PRKG1: variants seen among roughly 807,000 people sequenced by gnomAD.
The protein encoded by PRKG1 is cGMP-dependent protein kinase 1.
A neutral mutation model predicts 88.1 loss-of-function variants in PRKG1; 35 were observed. The observed-to-expected ratio is 0.40, with a 90% CI of 0.30 to 0.53. The LOEUF is 0.53. PRKG1 is among the 20% of genes least tolerant of loss of function. The pLI is 0.59. For synonymous variants in PRKG1, 303 were observed against 292.5 expected, an observed-to-expected ratio of 1.04 and a Z score of -0.37; for missense variants, 540 against 839.8, an observed-to-expected ratio of 0.64 and a Z score of 4.41.
chr10:51,807,611 A>T (rs992559838), intron 4 of PRKG1, among the ~76,000 whole-genome samples: 10 of 152,202 alleles, frequency 6.6e-5, no homozygotes, highest in African/African-American at 2.4e-4. Flanking sequence ...CTCTAATGAT[A>T]GTGGCCTAAG....
At chr10:51,342,993 T>A (rs1842035030) in intron 2 of PRKG1, among the ~76,000 whole-genome samples, 2 of 152,154 alleles carry the variant, frequency 1.3e-5, no homozygotes, top group African/African-American at 4.8e-5. Context: ...TAGACAGGAA[T>A]TCAGGGGTAG....
chr10:51,846,188 T>C (rs150987773), intron 4 of PRKG1, among the ~76,000 whole-genome samples: 46 of 152,318 alleles, frequency 3.0e-4, no homozygotes, highest in African/African-American at 1.1e-3. Flanking sequence ...CCTTCTCATG[T>C]AGGTTGTGGT....
At chr10:51,629,915 C>A (rs1278256656) in intron 3 of PRKG1, among the ~76,000 whole-genome samples, 1 of 152,178 alleles carries the variant, frequency 6.6e-6, no homozygotes, top group Non-Finnish European at 1.5e-5. Context: ...ATGTTTGAAA[C>A]ATGTCAGAAA....
intron 3 of PRKG1, among the ~76,000 whole-genome samples, chr10:51,517,005 T>C (rs1247107438): frequency 6.6e-6 from 1 of 152,222 alleles, no homozygotes; most frequent in East Asian, 1.9e-4. Flanking sequence ...GGAGAGATTG[T>C]ATAAATTGTA....
chr10:51,681,622 G>A (rs988151147), intron 3 of PRKG1, among the ~76,000 whole-genome samples: 1 of 152,020 alleles, frequency 6.6e-6, no homozygotes, highest in Non-Finnish European at 1.5e-5. Flanking sequence ...GGTAAAATAT[G>A]CATAATTATA....
chr10:51,340,454 A>C (rs533771289), intron 2 of PRKG1, among the ~76,000 whole-genome samples: 2 of 152,294 alleles, frequency 1.3e-5, no homozygotes, highest in African/African-American at 4.8e-5. Context: ...CACAGTTTGC[A>C]TGTCTACAAG....
chr10:51,829,673 C>T (rs74132449), intron 4 of PRKG1, among the ~76,000 whole-genome samples: 1,932 of 152,128 alleles, frequency 0.013, 53 homozygotes, highest in African/African-American at 0.044. Context: ...TACACGTGAA[C>T]ACACACACAC....
intron 3 of PRKG1, among the ~76,000 whole-genome samples, chr10:51,534,706 C>T (rs1842103096): frequency 6.6e-6 from 1 of 150,882 alleles, no homozygotes; most frequent in South Asian, 2.1e-4. Flanking sequence ...GCAGTTCTGC[C>T]CAGATCATGG....
At chr10:51,782,735 G>A (rs908371574) in intron 3 of PRKG1, among the ~76,000 whole-genome samples, 1 of 152,114 alleles carries the variant, frequency 6.6e-6, no homozygotes, top group African/African-American at 2.4e-5. Flanking sequence ...TTCCACTTTT[G>A]CATATTCCCC....
chr10:51,109,137 ATTG>A (rs1386198353), intron 1 of PRKG1, among the ~76,000 whole-genome samples: 8 of 152,138 alleles, frequency 5.3e-5, no homozygotes, highest in African/African-American at 1.9e-4. Context: ...CATTCATAGT[ATTG>A]TTGTCAATTC....
At chr10:51,572,406 C>G (rs1180224785) in intron 3 of PRKG1, among the ~76,000 whole-genome samples, 1 of 151,454 alleles carries the variant, frequency 6.6e-6, no homozygotes. Context: ...TTAATACCAC[C>G]CAGAAGAATA....
At chr10:51,120,185 C>T (rs1209641491) in intron 1 of PRKG1, among the ~76,000 whole-genome samples, 4 of 151,996 alleles carry the variant, frequency 2.6e-5, no homozygotes, top group African/African-American at 9.7e-5. Flanking sequence ...TTAGTAAAAT[C>T]CCATTATAAA....
chr10:51,163,498 T>TTCATCTC (rs1846422176), intron 2 of PRKG1, among the ~76,000 whole-genome samples: 2 of 152,046 alleles, frequency 1.3e-5, no homozygotes, highest in Non-Finnish European at 2.9e-5. Context: ...CCATCTGAGG[T>TTCATCTC]ACCGGGTTCA....
chr10:51,276,988 G>C (rs745954411), intron 2 of PRKG1, among the ~76,000 whole-genome samples: 2 of 152,052 alleles, frequency 1.3e-5, no homozygotes, highest in African/African-American at 2.4e-5. Flanking sequence ...TGTCATTTTT[G>C]GCTTTTGTTG....
At chr10:51,669,816 G>A (rs1348176621) in intron 3 of PRKG1, among the ~76,000 whole-genome samples, 6 of 152,128 alleles carry the variant, frequency 3.9e-5, no homozygotes, top group Non-Finnish European at 7.3e-5. Context: ...TACCATAAAT[G>A]TTCCATGCAT....
At chr10:51,556,026 A>G (rs1837300966) in intron 3 of PRKG1, among the ~76,000 whole-genome samples, 1 of 152,034 alleles carries the variant, frequency 6.6e-6, no homozygotes, top group African/African-American at 2.4e-5. Context: ...AAAGAAGGTA[A>G]GCTGTAAGGA....
At chr10:51,736,017 T>C (rs1384256554) in intron 3 of PRKG1, among the ~76,000 whole-genome samples, 1 of 142,246 alleles carries the variant, frequency 7.0e-6, no homozygotes, top group Non-Finnish European at 1.5e-5. Context: ...CTCAGCCTCC[T>C]GAGTAACTAG....
chr10:51,053,213 G>A (rs1011294100), intron 1 of PRKG1, among the ~76,000 whole-genome samples: 1 of 151,048 alleles, frequency 6.6e-6, no homozygotes, highest in African/African-American at 2.4e-5. Flanking sequence ...CTGGGCGATA[G>A]CGCAAGACTC....
At chr10:51,400,024 C>T (rs920911072) in intron 2 of PRKG1, among the ~76,000 whole-genome samples, 9 of 152,092 alleles carry the variant, frequency 5.9e-5, no homozygotes, top group East Asian at 3.9e-4. Context: ...AATTGTGTTA[C>T]GTAATACGTT....
Sources: allele counts gnomAD v4.1 joint callset (sites outside exome capture counted in the v4.1 genomes callset), GRCh38; gene constraint gnomAD v4.1.1; transcripts MANE v1.5; gene names NCBI Gene and HGNC (gene_info 2026-07-23, HGNC 2026-07-21).